MCTP2: variants seen among roughly 807,000 people sequenced by gnomAD.
MCTP2 encodes multiple C2 and transmembrane domain-containing protein 2.
A neutral mutation model predicts 111.6 loss-of-function variants in MCTP2; 132 were observed. The ratio of observed to expected loss-of-function variants is 1.18; its 90% CI spans 1.03 to 1.37. The LOEUF is 1.37. Among genes scored for constraint, MCTP2 ranks in the 40% most tolerant of loss-of-function variants. The probability of loss-of-function intolerance (pLI) is 0.00; values close to 1 mark genes in which losing one functional copy is unlikely to be tolerated. For synonymous variants in MCTP2, 395 were observed against 387.7 expected (o/e 1.02, Z -0.22); for missense variants, 1,183 against 1,067.9 (o/e 1.11, Z -1.50).
chr15:94,244,425 C>T (rs568995982), intron 1 of MCTP2, among the ~76,000 whole-genome samples: 4 of 149,566 alleles, frequency 2.7e-5, no homozygotes, highest in African/African-American at 4.9e-5. Flanking sequence ...TATACACATA[C>T]ATATGCACCT....
At chr15:94,233,277 CTT>C (rs1437772885) in intron 1 of MCTP2, among the ~76,000 whole-genome samples, 1 of 151,504 alleles carries the variant, frequency 6.6e-6, no homozygotes, top group Non-Finnish European at 1.5e-5. Flanking sequence ...TATTATGTGT[CTT>C]AACATATTTT....
At position 94,243,298 on chromosome 15, in the gene MCTP2, TATAC is replaced by T. The variant is rs772528097; in HGVS notation, c.-66+11643_-66+11646del. Among the ~76,000 whole-genome samples the T allele has an allele frequency of 7.7e-3, 1,131 of 146,622 alleles. 35 individuals carry two copies. The highest frequency in any genetic ancestry group is 0.028 in the African/African-American group (1,061 of 38,076). ...GTACATACGTATGCGTATATGCATA[TATAC>T]ATACATACGTATGCGTACATACGTA... is the stretch of plus-strand genomic sequence containing the variant. On this transcript the variant is annotated intron_variant, in intron 1 of 22. Transcript: ENST00000357742.
At chr15:94,351,687 C>G (rs2078311084) in intron 8 of MCTP2, among the ~76,000 whole-genome samples, 1 of 152,152 alleles carries the variant, frequency 6.6e-6, no homozygotes. Flanking sequence ...ATGCTCTGGT[C>G]AGTGCCTTTT....
At chr15:94,315,444 T>A (rs1421041788) in intron 3 of MCTP2, 85 bp from the exon 4 acceptor site, 44 of 953,768 alleles carry the variant, frequency 4.6e-5, no homozygotes, top group Non-Finnish European at 6.8e-5. Flanking sequence ...CTTTCTTTTT[T>A]CCCTCCAAAA....
At chr15:94,339,523 T>C (rs2077527953) in intron 5 of MCTP2, 91 bp downstream of exon 5, 9 of 1,012,370 alleles carry the variant, frequency 8.9e-6, no homozygotes, top group Non-Finnish European at 1.3e-5. Context: ...TTGCCAAAAT[T>C]AATTCTTTTA....
rs750913473 is a variant in MCTP2, at chr15:94,478,981, T to C, written c.2584T>C (p.Leu862=). ...SDVQKVQYAE[L]KLCSSHSPLR... ...GTTTTCACAGGTGCAGTATGCAGAA[T>C]TGAAACTCTGCAGCAGCCACAGCCC... The change falls in exon 23 of 23, where the codon TTG becomes CTG. Residue 862 remains leucine (L), a synonymous_variant. Transcript: ENST00000357742. 4 of 1,614,054 alleles carry C rather than the reference T, an allele frequency of 2.5e-6. No homozygotes were observed. Among genetic ancestry groups the C allele is most frequent in the South Asian group, 1.1e-5 (1 of 91,078 alleles).
intron 1 of MCTP2, among the ~76,000 whole-genome samples, chr15:94,280,143 T>A (rs930912010): frequency 3.9e-5 from 6 of 152,190 alleles, no homozygotes; most frequent in Non-Finnish European, 8.8e-5. Flanking sequence ...CTTGATTTTT[T>A]AAAAATAATT....
chr15:94,363,932 TC>T (rs766783290), intron 10 of MCTP2, among the ~76,000 whole-genome samples: 2 of 152,152 alleles, frequency 1.3e-5, no homozygotes, highest in Non-Finnish European at 2.9e-5. Flanking sequence ...GTGTGTGTTT[TC>T]CATATTGTTT....
At chr15:94,373,232 T>C (rs2079581088) in intron 12 of MCTP2, among the ~76,000 whole-genome samples, 1 of 152,220 alleles carries the variant, frequency 6.6e-6, no homozygotes, top group Admixed American at 6.6e-5. Flanking sequence ...CTGTGAGTTG[T>C]TATTGATGTT....
At chr15:94,384,225 T>C in intron 13 of MCTP2, 101 bp downstream of exon 13, 2 of 708,000 alleles carry the variant, frequency 2.8e-6, no homozygotes, top group East Asian at 5.5e-5. Flanking sequence ...AAAGAGTAAA[T>C]TTTATTGTTT....
chr15:94,453,185 T>C (rs2084576528), intron 19 of MCTP2, among the ~76,000 whole-genome samples: 1 of 152,218 alleles, frequency 6.6e-6, no homozygotes, highest in African/African-American at 2.4e-5. Context: ...CTTTCAGCTG[T>C]TTCTGTGGTC....
At chr15:94,366,609 A>G (rs747873736) in intron 10 of MCTP2, among the ~76,000 whole-genome samples, 23 of 152,188 alleles carry the variant, frequency 1.5e-4, no homozygotes, top group Non-Finnish European at 2.9e-4. Flanking sequence ...TAGGGTAAGA[A>G]TCTATCCTTA....
chr15:94,412,867 C>T (rs2082213654), intron 17 of MCTP2, among the ~76,000 whole-genome samples: 1 of 151,856 alleles, frequency 6.6e-6, no homozygotes, highest in African/African-American at 2.4e-5. Flanking sequence ...TCCCCAAATT[C>T]TACTTTTCAC....
chr15:94,244,260 A>G (rs1028306218), intron 1 of MCTP2, among the ~76,000 whole-genome samples: 1 of 139,356 alleles, frequency 7.2e-6, no homozygotes, highest in Non-Finnish European at 1.5e-5. Context: ...ATATGTGTAT[A>G]TATTTATATA....
chr15:94,396,877 C>T (rs1295837586), intron 14 of MCTP2, among the ~76,000 whole-genome samples: 1 of 152,030 alleles, frequency 6.6e-6, no homozygotes, highest in East Asian at 1.9e-4. Flanking sequence ...AAACAGATTA[C>T]CAAGTCATAT....
intron 8 of MCTP2, among the ~76,000 whole-genome samples, chr15:94,348,157 C>T (rs557233616): frequency 6.6e-6 from 1 of 151,896 alleles, no homozygotes; most frequent in Admixed American, 6.6e-5. Context: ...TAATTGACTT[C>T]TAGTGCCAAT....
intron 2 of MCTP2, among the ~76,000 whole-genome samples, chr15:94,299,861 C>T (rs1320741903): frequency 2.0e-5 from 3 of 152,166 alleles, no homozygotes; most frequent in African/African-American, 7.2e-5. Context: ...GATATCATGG[C>T]CATATTCGTT....
At chr15:94,306,974 T>A (rs1390051888) in intron 2 of MCTP2, among the ~76,000 whole-genome samples, 2 of 152,186 alleles carry the variant, frequency 1.3e-5, no homozygotes, top group Non-Finnish European at 2.9e-5. Context: ...TCATTTTTAC[T>A]ATTTTTGTGT....
intron 1 of MCTP2, among the ~76,000 whole-genome samples, chr15:94,243,311 G>A (rs550154843): frequency 6.9e-5 from 6 of 87,138 alleles, no homozygotes; most frequent in East Asian, 2.6e-4. Flanking sequence ...ACATACATAC[G>A]TATGCGTACA....
Sources: gnomAD v4.1 joint callset for allele counts (sites outside exome capture counted in the v4.1 genomes callset) on GRCh38, gnomAD v4.1.1 for gene constraint, MANE v1.5 for transcripts, NCBI Gene and HGNC (gene_info 2026-07-23, HGNC 2026-07-21) for gene names.